SLC28A3: variants seen among roughly 807,000 people sequenced by gnomAD.
SLC28A3 encodes concentrative Na(+)-nucleoside cotransporter 3.
Under a neutral mutation model 84.2 loss-of-function variants are expected in SLC28A3, and 68 were observed. The observed-to-expected ratio is 0.81, with a 90% CI of 0.66 to 0.99. The LOEUF (loss-of-function observed/expected upper bound fraction) is 0.99. Among genes scored for constraint, SLC28A3 ranks in the 50% least tolerant of loss-of-function variants. The pLI, the probability that SLC28A3 is intolerant of heterozygous loss-of-function variation, is 0.00. For synonymous variants in SLC28A3, 267 were observed against 303.6 expected (o/e 0.88, Z 1.25); for missense variants, 712 against 841.5 (o/e 0.85, Z 1.90).
At chr9:84,367,310 G>C in the SLC28A3 span, among the ~76,000 whole-genome samples, 2 of 152,174 alleles carry the variant, frequency 1.3e-5, no homozygotes, top group Non-Finnish European at 2.9e-5. Flanking sequence ...TCTGGCCCAG[G>C]GCAGGTCCAG....
intron 2 of SLC28A3, among the ~76,000 whole-genome samples, chr9:84,311,627 G>A (rs1160204887): frequency 2.0e-5 from 3 of 152,034 alleles, no homozygotes; most frequent in East Asian, 1.9e-4. Flanking sequence ...CAAGGCAGGC[G>A]GATCACAAGG....
intron 17 of SLC28A3, 25 bp downstream of exon 17, chr9:84,279,240 G>C: frequency 6.5e-7 from 1 of 1,543,488 alleles, no homozygotes; most frequent in Non-Finnish European, 8.8e-7. Context: ...GGAGTATAAA[G>C]AAATTATAAT....
chr9:84,303,251 T>G (rs1825689416), intron 4 of SLC28A3, among the ~76,000 whole-genome samples: 1 of 152,122 alleles, frequency 6.6e-6, no homozygotes, highest in Non-Finnish European at 1.5e-5. Flanking sequence ...AAACAAGAAA[T>G]GGAAGACTCA....
Position 84,288,130 on chromosome 9 carries a change from A to G in SLC28A3, c.1198T>C (p.Ser400Pro). ...LTASVMSAPA[S>P]LAAAKLFWPE... ...CAAAAGAGTTTAGCAGCAGCCAATG[A>G]CGCAGGTGCTGACATAACTGACGCT... The change falls in exon 12 of 18, where the codon TCA (serine) becomes CCA (proline). Residue 400 changes from serine (S) to proline (P), a missense_variant. Coordinates refer to ENST00000376238, the MANE Select transcript of SLC28A3 (RefSeq NM_001199633.2). 2 of 1,614,110 alleles carry G rather than the reference A, an allele frequency of 1.2e-6. No individual in the cohort carries two copies. The highest frequency in any genetic ancestry group is 3.3e-5 in the Admixed American group (2 of 60,024).
chr9:84,344,953 G>A (rs1827225585), upstream of SLC28A3, among the ~76,000 whole-genome samples: 1 of 152,106 alleles, frequency 6.6e-6, no homozygotes, highest in South Asian at 2.1e-4. Flanking sequence ...CCTCCCAAGG[G>A]TTGTGTCATG....
At chr9:84,318,183 C>A (rs941882453) in intron 1 of SLC28A3, among the ~76,000 whole-genome samples, 1 of 152,162 alleles carries the variant, frequency 6.6e-6, no homozygotes, top group Non-Finnish European at 1.5e-5. Context: ...ACTAGCTAGA[C>A]CATTCCCCAG....
At chr9:84,296,992 A>T (rs1160569069) in intron 8 of SLC28A3, among the ~76,000 whole-genome samples, 1 of 152,174 alleles carries the variant, frequency 6.6e-6, no homozygotes, top group East Asian at 1.9e-4. Flanking sequence ...AATAGTTCTG[A>T]CTTCCTCTAG....
chr9:84,351,328 G>T, the SLC28A3 span, among the ~76,000 whole-genome samples: 980 of 152,170 alleles, frequency 6.4e-3, 10 homozygotes, highest in African/African-American at 0.023. Context: ...ATGTTTCAAG[G>T]TACATGACTT....
chr9:84,347,839 A>T, the SLC28A3 span, among the ~76,000 whole-genome samples: 1 of 152,202 alleles, frequency 6.6e-6, no homozygotes, highest in African/African-American at 2.4e-5. Context: ...CGTCAGCTCA[A>T]GGCTGAATAG....
At chr9:84,357,442 T>G in the SLC28A3 span, among the ~76,000 whole-genome samples, 1 of 151,964 alleles carries the variant, frequency 6.6e-6, no homozygotes, top group African/African-American at 2.4e-5. Flanking sequence ...GTTTTTCCTA[T>G]AACTCTTCTG....
At chr9:84,319,186 G>A (rs1026329116) in intron 1 of SLC28A3, among the ~76,000 whole-genome samples, 8 of 152,142 alleles carry the variant, frequency 5.3e-5, no homozygotes, top group African/African-American at 1.9e-4. Flanking sequence ...CTTCCCTACT[G>A]CAATAGTTTA....
At position 84,278,277 on chromosome 9, in the gene SLC28A3, A is replaced by T; in HGVS notation, c.2017T>A (p.Cys673Ser). ...GTCGATGGATTCAACAATGTGCAGC[A>T]GCCCTTCAAAGAATACAGACTGTGG... ...GNHSLYSLKG[C>S]CTLLNPSTFN... The change falls in exon 18 of 18, where the codon TGC becomes AGC. Residue 673 changes from cysteine (C) to serine (S), a missense_variant. Transcript: ENST00000376238. 1 of 1,614,190 alleles carries T rather than the reference A, an allele frequency of 6.2e-7. No homozygotes were observed. Among genetic ancestry groups the T allele is most frequent in the Non-Finnish European group, 8.5e-7 (1 of 1,180,022 alleles).
intron 1 of SLC28A3, among the ~76,000 whole-genome samples, chr9:84,319,020 G>A (rs902758338): frequency 6.6e-6 from 1 of 152,122 alleles, no homozygotes; most frequent in African/African-American, 2.4e-5. Flanking sequence ...AATCTAAGAT[G>A]ATTCCAGGGA....
chr9:84,349,005 G>A, the SLC28A3 span, among the ~76,000 whole-genome samples: 1 of 151,776 alleles, frequency 6.6e-6, no homozygotes, highest in Admixed American at 6.6e-5. Flanking sequence ...CCTCTCGGGT[G>A]TCTCACGTGT....
Position 84,294,223 on chromosome 9 carries a change from A to T in SLC28A3, c.914T>A (p.Leu305Gln). 2 of 1,614,138 alleles carry T rather than the reference A, an allele frequency of 1.2e-6. No individual in the cohort carries two copies. The highest frequency in any genetic ancestry group is 1.7e-6 in the Non-Finnish European group (2 of 1,179,960). Residue 305 changes from leucine to glutamine, a missense_variant, in exon 9 of 18, where the codon CTG becomes CAG. Transcript: ENST00000376238. Reference protein sequence around the residue: ...FSTVMSMLYYLGLMQWIIRKV... With the variant: ...FSTVMSMLYYQGLMQWIIRKV... Reference sequence around the variant, plus strand: ...TCTAATAATCCACTGCATCAGTCCCAGGTAGTACAGCATGGACATCACAGT... The same window carrying T: ...TCTAATAATCCACTGCATCAGTCCCTGGTAGTACAGCATGGACATCACAGT...
chr9:84,300,192 G>T (rs1271862821), intron 5 of SLC28A3, among the ~76,000 whole-genome samples: 2 of 152,206 alleles, frequency 1.3e-5, no homozygotes, highest in Admixed American at 6.5e-5. Context: ...TTTGATTGTG[G>T]CTATCAAGGC....
chr9:84,335,712 CGTGTGTGTGT>C (rs56259271), intron 1 of SLC28A3, among the ~76,000 whole-genome samples: 121 of 148,928 alleles, frequency 8.1e-4, no homozygotes, highest in South Asian at 3.2e-3. Flanking sequence ...TATGTATATA[CGTGTGTGTGT>C]GTGTGTGTGT....
chr9:84,282,459 G>A (rs1824793393), intron 14 of SLC28A3, among the ~76,000 whole-genome samples: 2 of 152,172 alleles, frequency 1.3e-5, no homozygotes, highest in Non-Finnish European at 2.9e-5. Flanking sequence ...AGCTATCACA[G>A]GAGCTTCCTT....
At chr9:84,319,437 G>A (rs1826288385) in intron 1 of SLC28A3, among the ~76,000 whole-genome samples, 1 of 152,192 alleles carries the variant, frequency 6.6e-6, no homozygotes, top group Admixed American at 6.5e-5. Context: ...GGCTGAGGCA[G>A]ACGGGTCACT....
Sources: allele counts gnomAD v4.1 joint callset (sites outside exome capture counted in the v4.1 genomes callset), GRCh38; gene constraint gnomAD v4.1.1; transcripts MANE v1.5; gene names NCBI Gene and HGNC (gene_info 2026-07-23, HGNC 2026-07-21).